SFI1: variants seen among roughly 807,000 people sequenced by gnomAD.
SFI1 encodes SFI1 centrin binding protein.
SFI1 carries 195 observed loss-of-function variants against 207.5 expected under a neutral mutation model. The ratio of observed to expected loss-of-function variants is 0.94; its 90% CI spans 0.84 to 1.06. SFI1 has a LOEUF of 1.06. Ranked by LOEUF, SFI1 falls within the 50% of genes least tolerant of loss-of-function variation. SFI1 has a pLI of 0.00. For synonymous variants in SFI1, 630 were observed against 598.9 expected, an observed-to-expected ratio of 1.05 and a Z score of -0.76; for missense variants, 1,634 against 1,588.0, an observed-to-expected ratio of 1.03 and a Z score of -0.49.
Position 31,602,668 on chromosome 22 carries a change from C to G in SFI1, c.1688C>G (p.Ala563Gly). The G allele has an allele frequency of 6.2e-7, 1 of 1,614,230 alleles. No homozygotes were observed. The change falls in exon 17 of 33, where the codon GCA becomes GGA. Residue 563 changes from alanine to glycine, a missense_variant. Physicochemically the swap from Ala to Gly is moderately conservative, Grantham distance 60 (BLOSUM62 0). Transcript: ENST00000400288. ...YRSWFMWHQQ[A>G]AARHQEQEWQ... ...TCTTGGTTCATGTGGCACCAGCAGG[C>G]AGCAGCACGTCACCAGGAGCAGGAG...
intron 11 of SFI1, among the ~76,000 whole-genome samples, chr22:31,579,649 C>A (rs1029767588): frequency 2.6e-5 from 4 of 152,108 alleles, no homozygotes; most frequent in Non-Finnish European, 5.9e-5. Context: ...ACGGAGTCTC[C>A]TTCTGTTGGC....
intron 15 of SFI1, among the ~76,000 whole-genome samples, chr22:31,596,278 T>C (rs1018487): frequency 0.045 from 6,889 of 152,060 alleles, 139 homozygotes; most frequent in African/African-American, 0.053. Context: ...TCTCTCTCTC[T>C]ATCTATCTGT....
intron 22 of SFI1, among the ~76,000 whole-genome samples, chr22:31,610,115 T>C (rs139213065): frequency 3.9e-5 from 6 of 152,268 alleles, no homozygotes; most frequent in Admixed American, 6.5e-5. Context: ...AACAATTGAC[T>C]GGCTTGTATT....
At chr22:31,528,067 CGCGCCACT>C (rs1569221320) in intron 2 of SFI1, among the ~76,000 whole-genome samples, 1 of 151,898 alleles carries the variant, frequency 6.6e-6, no homozygotes, top group Non-Finnish European at 1.5e-5. Flanking sequence ...GAGCTGAGAT[CGCGCCACT>C]GCACTCCAGC....
chr22:31,522,132 ATC>A (rs2064353552), intron 2 of SFI1, among the ~76,000 whole-genome samples: 1 of 146,682 alleles, frequency 6.8e-6, no homozygotes, highest in Non-Finnish European at 1.5e-5. Flanking sequence ...CAGTGGCACA[ATC>A]TCTGCTCACT....
upstream of SFI1, chr22:31,496,159 T>C (rs1401038929): frequency 6.6e-6 from 1 of 152,242 alleles, no homozygotes; most frequent in Non-Finnish European, 1.5e-5. Flanking sequence ...GAGGGAGGAC[T>C]TTCGTACGCA....
chr22:31,558,364 C>T (rs1472114457), intron 7 of SFI1, among the ~76,000 whole-genome samples: 1 of 152,028 alleles, frequency 6.6e-6, no homozygotes, highest in East Asian at 1.9e-4. Context: ...CCTATCTCTA[C>T]ACACAAAAAA....
intron 1 of SFI1, among the ~76,000 whole-genome samples, chr22:31,497,837 C>A (rs1447186053): frequency 6.6e-6 from 1 of 152,108 alleles, no homozygotes; most frequent in Non-Finnish European, 1.5e-5. Flanking sequence ...AAAAGGATTC[C>A]TTTCAAGATA....
rs755828017 is a variant in SFI1, at chr22:31,615,216, C to T, written c.3237C>T (p.Gly1079=). The part of the protein sequence containing the change: ...GPKQPPTAST[G]PELLLLPLSS... ...AGCAGCCCCCGACGGCAAGCACAGGCCCGGAGCTGCTGCTGCTGCCTCTTT... is the reference window on the plus strand; with the variant it reads ...AGCAGCCCCCGACGGCAAGCACAGGTCCGGAGCTGCTGCTGCTGCCTCTTT... The change falls in exon 29 of 33, where the codon GGC becomes GGT. Residue 1079 remains glycine, a synonymous_variant. Transcript: ENST00000400288. 1.3e-5 allele frequency: 21 copies of T among 1,558,436 alleles called. No individual in the cohort carries two copies. The highest frequency in any genetic ancestry group is 6.0e-5 in the Admixed American group (3 of 49,756).
intron 14 of SFI1, chr22:31,587,803 G>A (rs1207855178): frequency 6.6e-6 from 1 of 152,024 alleles, no homozygotes; most frequent in African/African-American, 2.4e-5. Context: ...ATTTGAAAAT[G>A]CCCATAATAA....
rs577937618 is a variant in SFI1, at chr22:31,559,174, G to C, written c.662+2115G>C. Among the ~76,000 whole-genome samples the C allele has an allele frequency of 2.0e-5, 3 of 152,146 alleles. No individual in the cohort carries two copies. In the East Asian group the frequency reaches 5.9e-4, roughly 30 times the overall value. ...ACAGGGACTCATGCCTGTAATCCCA[G>C]CACTTTGGGAGGCTGAGGCTGGTGA... On this transcript the variant is annotated intron_variant, in intron 7 of 32. Coordinates refer to ENST00000400288, the MANE Select transcript of SFI1 (RefSeq NM_001007467.3).
intron 15 of SFI1, among the ~76,000 whole-genome samples, chr22:31,592,860 G>A (rs149762669): frequency 0.7 from 66,417 of 95,076 alleles, 25,194 homozygotes; most frequent in Non-Finnish European, 0.78. Context: ...CGGGGGGGCT[G>A]ACCCCCCCAT....
At position 31,593,406 on chromosome 22, in the gene SFI1, G is replaced by A. The variant is rs1475149049; in HGVS notation, c.1544+3829G>A. 4.2e-5 allele frequency among the ~76,000 whole-genome samples: 6 copies of A among 141,836 alleles called. No homozygotes were observed. The East Asian group carries it at 1.3e-3, about 30-fold the overall frequency. 93.0% of individuals were successfully genotyped at this position (141,836 alleles called of 152,430 possible). On this transcript the variant is annotated intron_variant, in intron 15 of 32. Coordinates refer to ENST00000400288, the MANE Select transcript of SFI1 (RefSeq NM_001007467.3). ...CCACATCTCAGACGATGGGCGGCCG[G>A]GCAGAGACGCTCCTCACTTCCTAGA...
intron 4 of SFI1, among the ~76,000 whole-genome samples, chr22:31,546,455 T>C (rs1026532894): frequency 1.3e-5 from 2 of 151,770 alleles, no homozygotes; most frequent in Non-Finnish European, 2.9e-5. Context: ...CTCAGCCTCC[T>C]GAGTAGCTGG....
intron 4 of SFI1, among the ~76,000 whole-genome samples, chr22:31,531,939 T>C (rs2058572314): frequency 6.7e-6 from 1 of 149,884 alleles, no homozygotes; most frequent in Non-Finnish European, 1.5e-5. Flanking sequence ...CATATGCCTA[T>C]AATCCCAGCT....
rs1279621717 is a variant in SFI1 at position 31,580,458 on chromosome 22, TA to T, written c.1248+101del. ...TTGCCAAATTAAGCAGAACTCTTTT[TA>T]AAAAAACTTTTTGTGCTTCAAGATT... On this transcript the variant is annotated intron_variant, in intron 12 of 32. Coordinates refer to ENST00000400288, the MANE Select transcript of SFI1 (RefSeq NM_001007467.3). The T allele has an allele frequency of 1.5e-5, 15 of 1,014,288 alleles. No individual in the cohort carries two copies. In the Admixed American group the frequency reaches 2.5e-4, roughly 17 times the overall value. 62.8% of individuals were successfully genotyped at this position (1,014,288 alleles called of 1,614,324 possible). A position where few individuals can be genotyped will look rare whatever the true frequency, so the allele number is the denominator to read the frequency against.
chr22:31,526,202 C>T (rs2057891616), intron 2 of SFI1, among the ~76,000 whole-genome samples: 1 of 152,176 alleles, frequency 6.6e-6, no homozygotes, highest in South Asian at 2.1e-4. Context: ...AGAGCATTCT[C>T]ATGCTGCTAT....
intron 14 of SFI1, among the ~76,000 whole-genome samples, chr22:31,588,819 AAAAAAC>A (rs2065380969): frequency 1.3e-5 from 2 of 151,934 alleles, no homozygotes; most frequent in African/African-American, 4.8e-5. Flanking sequence ...CTCAAAAAAA[AAAAAAC>A]AAAAAACAAC....
chr22:31,525,530 C>T (rs2057799665), intron 2 of SFI1, among the ~76,000 whole-genome samples: 2 of 152,242 alleles, frequency 1.3e-5, no homozygotes, highest in South Asian at 4.1e-4. Context: ...GAGTTCAAGA[C>T]CATCCTGCGC....
Sources: gnomAD v4.1 joint callset for allele counts (sites outside exome capture counted in the v4.1 genomes callset) on GRCh38, gnomAD v4.1.1 for gene constraint, MANE v1.5 for transcripts, NCBI Gene and HGNC (gene_info 2026-07-23, HGNC 2026-07-21) for gene names.